Variants in CFAP43 observed in about 807,000 individuals in gnomAD.
CFAP43 encodes the protein cilia and flagella associated protein 43.
In CFAP43, 155 loss-of-function variants were observed where a neutral mutation model predicts 218.9. The ratio of observed to expected loss-of-function variants is 0.71; its 90% CI spans 0.62 to 0.81. CFAP43 has a LOEUF of 0.81. Ranked by LOEUF, CFAP43 falls within the 30% of genes least tolerant of loss-of-function variation. The pLI is 0.00. For synonymous variants in CFAP43, 645 were observed against 681.3 expected (o/e 0.95, Z 0.83); for missense variants, 1,778 against 1,954.3 (o/e 0.91, Z 1.70).
rs1261180340 is a variant in CFAP43, at chr10:104,218,818, C to T, written c.417-4392G>A. 3 of 545,212 alleles carry T rather than the reference C, an allele frequency of 5.5e-6. No individual in the cohort carries two copies. The Admixed American group carries it at 5.8e-5, about 11-fold the overall frequency. The allele number at this position is 545,212 out of a possible 1,614,324, so 33.8% of individuals were successfully genotyped here. On this transcript the variant is annotated intron_variant, in intron 3 of 37. Coordinates refer to ENST00000357060, the MANE Select transcript of CFAP43 (RefSeq NM_025145.7). ...CCTCTGCTGTTCCTAGGGTGTTGCC[C>T]TCATCTCTACTATTTAACCCATTAT...
At chr10:104,210,086 T>C (rs1485927450) in intron 5 of CFAP43, among the ~76,000 whole-genome samples, 1 of 152,240 alleles carries the variant, frequency 6.6e-6, no homozygotes, top group African/African-American at 2.4e-5. Flanking sequence ...TGTTATACTA[T>C]ATTGTTTAGG....
At chr10:104,217,943 A>C (rs1439586967) in intron 3 of CFAP43, among the ~76,000 whole-genome samples, 1 of 152,260 alleles carries the variant, frequency 6.6e-6, no homozygotes, top group East Asian at 1.9e-4. Context: ...AAATGAAAGC[A>C]TGTTCGAGTT....
intron 30 of CFAP43, 85 bp downstream of exon 30, chr10:104,146,178 T>C: frequency 9.5e-7 from 1 of 1,048,582 alleles, no homozygotes; most frequent in Non-Finnish European, 1.4e-6. Flanking sequence ...GTGAGAAAAT[T>C]ATATTATATC....
intron 30 of CFAP43, among the ~76,000 whole-genome samples, chr10:104,145,965 T>G (rs901629728): frequency 1.4e-4 from 22 of 152,212 alleles, no homozygotes; most frequent in Non-Finnish European, 5.9e-5. Flanking sequence ...ACCTACTAAA[T>G]TGATTTCATG....
At chr10:104,204,943 A>G (rs1400370843) in intron 7 of CFAP43, among the ~76,000 whole-genome samples, 1 of 152,202 alleles carries the variant, frequency 6.6e-6, no homozygotes, top group African/African-American at 2.4e-5. Flanking sequence ...GGCCGGGCGC[A>G]GTGGCTCACG....
intron 17 of CFAP43, among the ~76,000 whole-genome samples, chr10:104,182,080 A>G (rs2134877125): frequency 6.6e-6 from 1 of 152,300 alleles, no homozygotes; most frequent in East Asian, 1.9e-4. Flanking sequence ...GTATAGAGAG[A>G]CCATTTTGAC....
chr10:104,155,717 G>A (rs2088507499), intron 27 of CFAP43, among the ~76,000 whole-genome samples: 1 of 152,138 alleles, frequency 6.6e-6, no homozygotes, highest in Admixed American at 6.5e-5. Context: ...GTGAGAATGT[G>A]AGTCATGTAG....
intron 28 of CFAP43, among the ~76,000 whole-genome samples, chr10:104,151,775 T>C (rs2088270552): frequency 6.6e-6 from 1 of 152,192 alleles, no homozygotes; most frequent in Admixed American, 6.5e-5. Flanking sequence ...TTTGTTGTGG[T>C]TGCTTTTGGT....
intron 8 of CFAP43, among the ~76,000 whole-genome samples, chr10:104,199,951 G>T (rs893379351): frequency 1.3e-5 from 2 of 151,958 alleles, no homozygotes; most frequent in Non-Finnish European, 2.9e-5. Context: ...TTTATTGGGG[G>T]GTCTGAAGAA....
At chr10:104,187,542 T>G (rs2090070859) in intron 13 of CFAP43, 50 bp from the exon 14 acceptor site, 1 of 1,432,060 alleles carries the variant, frequency 7.0e-7, no homozygotes, top group Non-Finnish European at 9.2e-7. Context: ...TAAATTAATT[T>G]TGTTTTTTTA....
rs763457934 is a variant in CFAP43, at chr10:104,187,347, G to A, written c.1833C>T (p.Tyr611=). ...CTTCAGGAAGAAGGTAGCTACAGAT[G>A]TATGGCACTTGACTACAGAAGCCAT... ...QIYGFCSQVP[Y]ICSYLLPEEE... The change falls in exon 14 of 38, where the codon TAC becomes TAT. Residue 611 remains tyrosine (Y), a synonymous_variant. Coordinates refer to ENST00000357060, the MANE Select transcript of CFAP43 (RefSeq NM_025145.7). 3.7e-6 allele frequency: 6 copies of A among 1,606,222 alleles called. No homozygotes were observed. The highest frequency in any genetic ancestry group is 5.1e-6 in the Non-Finnish European group (6 of 1,177,972).
chr10:104,144,983 C>G (rs967789292), intron 31 of CFAP43, among the ~76,000 whole-genome samples: 1 of 152,222 alleles, frequency 6.6e-6, no homozygotes, highest in Admixed American at 6.5e-5. Flanking sequence ...CTGTTTCTTA[C>G]ACTTGGAGAT....
intron 22 of CFAP43, among the ~76,000 whole-genome samples, chr10:104,167,202 A>T (rs560389443): frequency 3.5e-4 from 53 of 152,314 alleles, no homozygotes; most frequent in Admixed American, 1.1e-3. Flanking sequence ...TTTGACAGAG[A>T]TTATTGCTTA....
At chr10:104,135,942 A>G (rs2087420207) in intron 34 of CFAP43, among the ~76,000 whole-genome samples, 2 of 152,164 alleles carry the variant, frequency 1.3e-5, no homozygotes, top group African/African-American at 4.8e-5. Flanking sequence ...ACATTTCCCT[A>G]CTTCAAAGAA....
chr10:104,161,826 G>A (rs1236640622), intron 26 of CFAP43, 135 bp downstream of exon 26: 2 of 731,454 alleles, frequency 2.7e-6, no homozygotes, highest in Non-Finnish European at 4.5e-6. Flanking sequence ...AGGTTTATAA[G>A]GTACTACGGA....
Position 104,167,704 on chromosome 10 carries a change from G to A in CFAP43, c.2725C>T (p.Pro909Ser), listed in dbSNP as rs1340429285. ...TCTTCAACCGTGCGCGCTTTCATCGGGAAGTTTTCAACCACACAGGGGATA... is the reference window on the plus strand; with the variant it reads ...TCTTCAACCGTGCGCGCTTTCATCGAGAAGTTTTCAACCACACAGGGGATA... ...FHIPCVVENFPMKARTVEELK... is the reference protein window; with the variant it reads ...FHIPCVVENFSMKARTVEELK... The change falls in exon 22 of 38, where the codon CCG becomes TCG. Residue 909 changes from proline to serine, a missense_variant. This residue lies in a region of CFAP43 where 1,553 missense variants were observed against 1,685.2 expected (regional missense o/e 0.92). Transcript: ENST00000357060. The A allele has an allele frequency of 1.9e-6, 3 of 1,610,004 alleles. No homozygotes were observed. The highest frequency in any genetic ancestry group is 2.5e-6 in the Non-Finnish European group (3 of 1,178,778).
intron 20 of CFAP43, among the ~76,000 whole-genome samples, chr10:104,171,867 C>T (rs2089427042): frequency 6.6e-6 from 1 of 152,092 alleles, no homozygotes; most frequent in African/African-American, 2.4e-5. Context: ...TATAATTAAT[C>T]CAGAGGAAAA....
Position 104,225,414 on chromosome 10 carries a change from G to GAAAA in CFAP43, c.416+43_416+46dup, listed in dbSNP as rs765747833. On this transcript the variant is annotated intron_variant, in intron 3 of 37. Coordinates refer to ENST00000357060, the MANE Select transcript of CFAP43 (RefSeq NM_025145.7). The stretch of plus-strand genomic sequence containing the variant: ...TCGATAAAATCCAGAAGAGTAAGAG[G>GAAAA]AAAATGTAACCCAGTAAAAGGAATT... The GAAAA allele has an allele frequency of 2.1e-6, 3 of 1,414,244 alleles. No homozygotes were observed. The Admixed American group carries it at 5.8e-5, about 27-fold the overall frequency. 87.6% of individuals were successfully genotyped at this position (1,414,244 alleles called of 1,614,324 possible). A position where few individuals can be genotyped will look rare whatever the true frequency, so the allele number is the denominator to read the frequency against.
rs945991785 is a variant in CFAP43 at position 104,187,235 on chromosome 10, T to C, written c.1860+85A>G. The C allele has an allele frequency of 5.4e-6, 6 of 1,115,326 alleles. No homozygotes were observed. The African/African-American group carries it at 9.7e-5, about 18-fold the overall frequency. 69.1% of individuals were successfully genotyped at this position (1,115,326 alleles called of 1,614,324 possible). A position where few individuals can be genotyped will look rare whatever the true frequency, so the allele number is the denominator to read the frequency against. Reference sequence around the variant, plus strand: ...TGTTAACTGAACTATTCTGTTAAAGTGGTCAAGAGGATCACATCTAATCAG... The same window carrying C: ...TGTTAACTGAACTATTCTGTTAAAGCGGTCAAGAGGATCACATCTAATCAG... On this transcript the variant is annotated intron_variant, in intron 14 of 37. Transcript: ENST00000357060.
Sources: allele counts gnomAD v4.1 joint callset (sites outside exome capture counted in the v4.1 genomes callset), GRCh38; gene constraint gnomAD v4.1.1; regional missense constraint gnomAD v4.1.1; transcripts MANE v1.5; gene names NCBI Gene and HGNC (gene_info 2026-07-23, HGNC 2026-07-21).